OSBPL11: variants seen among roughly 807,000 people sequenced by gnomAD.
OSBPL11 encodes oxysterol binding protein like 11.
In OSBPL11, 33 loss-of-function variants were observed where a neutral mutation model predicts 84.4. The observed-to-expected ratio is 0.39, with a 90% CI of 0.30 to 0.52. The LOEUF is 0.52. OSBPL11 is among the 20% of genes least tolerant of loss of function. The pLI, the probability that OSBPL11 is intolerant of heterozygous loss-of-function variation, is 0.72. For synonymous variants in OSBPL11, 276 were observed against 310.2 expected (o/e 0.89, Z 1.16); for missense variants, 736 against 901.1 (o/e 0.82, Z 2.35).
intron 6 of OSBPL11, 108 bp from the exon 7 acceptor site, chr3:125,563,951 T>A: frequency 2.4e-6 from 3 of 1,247,148 alleles, no homozygotes; most frequent in East Asian, 2.4e-5. Context: ...TAAAAGCAAT[T>A]AAACCTGTTA....
At position 125,567,389 on chromosome 3, in the gene OSBPL11, C is replaced by T. The variant is rs1936174733; in HGVS notation, c.868+5G>A. 1.2e-6 allele frequency: 2 copies of T among 1,609,604 alleles called. No homozygotes were observed. The highest frequency in any genetic ancestry group is 1.7e-6 in the Non-Finnish European group (2 of 1,175,996). ...GTGAAGCCCTACCTTTAATCGACAA[C>T]TTACCTGAAGGCAATGAGCCCTTCT... On this transcript the variant is annotated splice_donor_5th_base_variant and intron_variant, in intron 6 of 12. Coordinates refer to ENST00000296220, the MANE Select transcript of OSBPL11 (RefSeq NM_022776.5).
At chr3:125,579,749 T>G (rs1485792707) in intron 3 of OSBPL11, 116 bp downstream of exon 3, 2 of 886,210 alleles carry the variant, frequency 2.3e-6, no homozygotes, top group Non-Finnish European at 3.6e-6. Context: ...AATATTGTAT[T>G]TACATCACTG....
intron 1 of OSBPL11, among the ~76,000 whole-genome samples, chr3:125,592,518 C>T (rs914306017): frequency 6.6e-6 from 1 of 152,026 alleles, no homozygotes; most frequent in Non-Finnish European, 1.5e-5. Context: ...AAATATATTG[C>T]ATGTCATCAC....
In OSBPL11 at chr3:125,531,893, T is replaced by C. The variant is rs147986633; in HGVS notation, c.2146A>G (p.Thr716Ala). ...TEERHRTETG[T>A]PWKTKYFIKE... ...ATAAAATATTTGGTTTTCCAAGGTGTGCCTGTTTCAGTACGATGCCTTTCT... is the reference window on the plus strand; with the variant it reads ...ATAAAATATTTGGTTTTCCAAGGTGCGCCTGTTTCAGTACGATGCCTTTCT... Residue 716 changes from threonine to alanine, a missense_variant, in exon 12 of 13, where the codon ACA (threonine) becomes GCA (alanine). Thr to Ala is a moderately conservative substitution (Grantham distance 58, BLOSUM62 0). Around this residue, in one of 3 missense-constraint regions of OSBPL11, gnomAD observed 579 missense variants for 717.6 expected, o/e 0.81. Coordinates refer to ENST00000296220, the MANE Select transcript of OSBPL11 (RefSeq NM_022776.5). The C allele has an allele frequency of 8.9e-4, 1,437 of 1,613,824 alleles. 2 individuals carry two copies. The highest frequency in any genetic ancestry group is 6.3e-4 in the Non-Finnish European group (747 of 1,179,936).
chr3:125,535,439 CTTTTTTTT>C (rs763678488), intron 11 of OSBPL11, among the ~76,000 whole-genome samples: 8 of 84,280 alleles, frequency 9.5e-5, no homozygotes, highest in East Asian at 3.3e-4. Flanking sequence ...TCAGAAGCAT[CTTTTTTTT>C]TTTTTTTTTT....
At chr3:125,563,931 C>T (rs1936115813) in intron 6 of OSBPL11, 88 bp from the exon 7 acceptor site, 1 of 1,471,928 alleles carries the variant, frequency 6.8e-7, no homozygotes, top group African/African-American at 1.4e-5. Context: ...TTGTTTTGAG[C>T]CTACAAGCCT....
At chr3:125,552,831 T>C in intron 8 of OSBPL11, 152 bp from the exon 9 acceptor site, 2 of 1,027,312 alleles carry the variant, frequency 1.9e-6, no homozygotes, top group Non-Finnish European at 1.4e-6. Context: ...AAAATAAGCA[T>C]TCTTGGCCAG....
chr3:125,588,439 A>G (rs1309219641), intron 1 of OSBPL11, among the ~76,000 whole-genome samples: 1 of 152,184 alleles, frequency 6.6e-6, no homozygotes, highest in Non-Finnish European at 1.5e-5. Context: ...CTCCACAGTC[A>G]TATGAGCCAA....
rs533076221 is a variant in OSBPL11 at position 125,579,775 on chromosome 3, A to G, written c.409+90T>C. The G allele has an allele frequency of 4.5e-5, 53 of 1,171,460 alleles. No individual in the cohort carries two copies. In the East Asian group the frequency reaches 1.1e-3, roughly 25 times the overall value. The allele number at this position is 1,171,460 out of a possible 1,614,324, so 72.6% of individuals were successfully genotyped here. ...TACATCACTGATGACAGCAGTTTCT[A>G]TTTCCAAAGCCCATATGAAAGCATG... On this transcript the variant is annotated intron_variant, in intron 3 of 12. Transcript: ENST00000296220.
intron 8 of OSBPL11, among the ~76,000 whole-genome samples, chr3:125,556,512 T>C (rs550422877): frequency 2.0e-5 from 3 of 152,176 alleles, no homozygotes; most frequent in South Asian, 2.1e-4. Context: ...CCAGCCCACA[T>C]TCCTCCTGTA....
intron 11 of OSBPL11, among the ~76,000 whole-genome samples, chr3:125,535,026 C>A (rs1399830805): frequency 5.4e-5 from 6 of 111,814 alleles, no homozygotes; most frequent in Non-Finnish European, 5.7e-5. Context: ...TATAAAAGAG[C>A]AAAATTCAAT....
At chr3:125,586,849 TAA>T in intron 1 of OSBPL11, among the ~76,000 whole-genome samples, 1 of 152,300 alleles carries the variant, frequency 6.6e-6, no homozygotes, top group Admixed American at 6.5e-5. Context: ...TTATCAGACT[TAA>T]GATAGATAAA....
At position 125,579,862 on chromosome 3, in the gene OSBPL11, T is replaced by C; in HGVS notation, c.409+3A>G. On this transcript the variant is annotated splice_donor_region_variant and intron_variant, in intron 3 of 12. Transcript: ENST00000296220. ...AGTATTAATTCTCATATTTTGGTCATACCTCTGAGTTTATATTGTTCCCCA... is the reference window on the plus strand; with the variant it reads ...AGTATTAATTCTCATATTTTGGTCACACCTCTGAGTTTATATTGTTCCCCA... 1 of 1,613,384 alleles carries C rather than the reference T, an allele frequency of 6.2e-7. No homozygotes were observed. The highest frequency in any genetic ancestry group is 8.5e-7 in the Non-Finnish European group (1 of 1,179,470).
chr3:125,551,799 AC>A (rs1347880830), intron 9 of OSBPL11, among the ~76,000 whole-genome samples: 1 of 152,008 alleles, frequency 6.6e-6, no homozygotes, highest in East Asian at 1.9e-4. Context: ...AAGAAAACAA[AC>A]GAAAAGAAAT....
chr3:125,589,979 C>G (rs1936572742), intron 1 of OSBPL11, among the ~76,000 whole-genome samples: 1 of 152,178 alleles, frequency 6.6e-6, no homozygotes, highest in Admixed American at 6.5e-5. Context: ...TTCAGTTCCT[C>G]TTTTGAATAG....
At chr3:125,544,517 G>A (rs1471073220) in intron 10 of OSBPL11, among the ~76,000 whole-genome samples, 1 of 152,094 alleles carries the variant, frequency 6.6e-6, no homozygotes, top group African/African-American at 2.4e-5. Context: ...TGCTATCTAG[G>A]TGCTAATATC....
At chr3:125,561,918 G>C (rs1285672613) in intron 7 of OSBPL11, among the ~76,000 whole-genome samples, 1 of 152,216 alleles carries the variant, frequency 6.6e-6, no homozygotes, top group African/African-American at 2.4e-5. Flanking sequence ...AGCTAAGAGT[G>C]GTTAATTAAT....
rs370362620 is a variant in OSBPL11 at position 125,594,727 on chromosome 3, G to A, written c.74C>T (p.Ala25Val). The change falls in exon 1 of 13, where the codon GCG (alanine) becomes GTG (valine). Residue 25 changes from alanine (A) to valine (V), a missense_variant. Ala to Val is a moderately conservative substitution (Grantham distance 64). Around this residue, in one of 3 missense-constraint regions of OSBPL11, gnomAD observed 114 missense variants for 104.9 expected, o/e 1.09. Transcript: ENST00000296220. ...GCTGCTGTTCTTGTTCGGGGTCACC[G>A]CTGTGGCCTGGCCCTCCAGCTTTCC... is the stretch of plus-strand genomic sequence containing the variant. Reference protein sequence around the residue: ...SEGKLEGQATAVTPNKNSSCG... With the variant: ...SEGKLEGQATVVTPNKNSSCG... The A allele has an allele frequency of 1.2e-6, 2 of 1,614,120 alleles. No homozygotes were observed. Among genetic ancestry groups the A allele is most frequent in the South Asian group, 1.1e-5 (1 of 91,072 alleles).
At chr3:125,534,269 G>C (rs1935605306) in intron 11 of OSBPL11, among the ~76,000 whole-genome samples, 2 of 151,994 alleles carry the variant, frequency 1.3e-5, no homozygotes, top group African/African-American at 2.4e-5. Context: ...TGTAGTCCCA[G>C]CTACTCGGGA....
Sources: allele counts gnomAD v4.1 joint callset (sites outside exome capture counted in the v4.1 genomes callset), GRCh38; gene constraint gnomAD v4.1.1; regional missense constraint gnomAD v4.1.1; transcripts MANE v1.5; gene names NCBI Gene and HGNC (gene_info 2026-07-23, HGNC 2026-07-21).